NMRAL1: variants seen among roughly 807,000 people sequenced by gnomAD.
NMRAL1 encodes NmrA like redox sensor 1.
A neutral mutation model predicts 27.5 loss-of-function variants in NMRAL1; 32 were observed. The observed-to-expected ratio is 1.16, with a 90% CI of 0.88 to 1.56. The LOEUF is 1.56. Among genes scored for constraint, NMRAL1 ranks in the 40% most tolerant of loss-of-function variants. The pLI is 0.00. For missense variants in NMRAL1, 420 were observed against 392.0 expected, an observed-to-expected ratio of 1.07 and a Z score of -0.60; for synonymous variants, 166 against 166.8, an observed-to-expected ratio of 1.00 and a Z score of 0.04.
intron 4 of NMRAL1, 71 bp from the exon 5 acceptor site, chr16:4,463,921 A>C: frequency 7.4e-7 from 1 of 1,347,716 alleles, no homozygotes; most frequent in Non-Finnish European, 1.0e-6. Context: ...CCCCTCTCCA[A>C]AGGGTCCAAG....
At position 4,461,966 on chromosome 16, in the gene NMRAL1, G is replaced by A; in HGVS notation, c.721-7C>T. On this transcript the variant is annotated splice_polypyrimidine_tract_variant and splice_region_variant and intron_variant, in intron 5 of 5. Transcript: ENST00000283429. ...CGTAGTCCTCAGGAGTCATCTGGAA[G>A]CAGAGGAGCCTGTCGTGGCCGGCGT... 2 of 1,608,182 alleles carry A rather than the reference G, an allele frequency of 1.2e-6. No homozygotes were observed. Among genetic ancestry groups the A allele is most frequent in the Non-Finnish European group, 1.7e-6 (2 of 1,176,782 alleles).
chr16:4,464,704 T>G (rs1027135470), intron 4 of NMRAL1, among the ~76,000 whole-genome samples: 50 of 141,568 alleles, frequency 3.5e-4, no homozygotes, highest in Non-Finnish European at 6.3e-4. Flanking sequence ...AAGCTCCACC[T>G]CCCGGGTTCA....
intron 2 of NMRAL1, 33 bp from the exon 3 acceptor site, chr16:4,469,498 A>C: frequency 5.0e-6 from 8 of 1,605,944 alleles, no homozygotes; most frequent in Non-Finnish European, 6.8e-6. Flanking sequence ...CTCAGGTCAG[A>C]CCTACCTGAA....
intron 2 of NMRAL1, among the ~76,000 whole-genome samples, chr16:4,470,050 T>C (rs971735440): frequency 6.7e-6 from 1 of 148,368 alleles, no homozygotes; most frequent in African/African-American, 2.5e-5. Context: ...TAGTCACAGC[T>C]ACTCAGGAGG....
chr16:4,461,799 C>T lies in NMRAL1; in HGVS notation c.881G>A (p.Gly294Glu). Residue 294 changes from glycine to glutamate, a missense_variant, in exon 6 of 6, where the codon GGG becomes GAG. Transcript: ENST00000283429. ...GGCAGGTCACAGCAGGTTGAAGTCCCCTTTGTGCTGTTCCAGCCACTGGTC... is the reference window on the plus strand; with the variant it reads ...GGCAGGTCACAGCAGGTTGAAGTCCTCTTTGTGCTGTTCCAGCCACTGGTC... ...TLDQWLEQHK[G>E]DFNLL The T allele has an allele frequency of 6.2e-7, 1 of 1,613,524 alleles. No individual in the cohort carries two copies. The highest frequency in any genetic ancestry group is 8.5e-7 in the Non-Finnish European group (1 of 1,179,758).
At chr16:4,474,259 G>A (rs1009659505) in intron 1 of NMRAL1, 93 bp from the exon 2 acceptor site, 3 of 876,890 alleles carry the variant, frequency 3.4e-6, no homozygotes, top group South Asian at 1.6e-5. Context: ...CATCGAGTAT[G>A]TGTCGAAGGG....
In NMRAL1 at chr16:4,461,726, G is replaced by T; in HGVS notation, c.*54C>A. On this transcript the variant is annotated 3_prime_UTR_variant, in exon 6 of 6. Transcript: ENST00000283429. Reference sequence around the variant, plus strand: ...ACAATGGCTTTATTCAGATGTTGGTGCCTCTGCCCCTCTGGTGCCCCCGAT... The same window carrying T: ...ACAATGGCTTTATTCAGATGTTGGTTCCTCTGCCCCTCTGGTGCCCCCGAT... 6.7e-7 allele frequency: 1 copy of T among 1,484,836 alleles called. No individual in the cohort carries two copies. Among genetic ancestry groups the T allele is most frequent in the Non-Finnish European group, 9.1e-7 (1 of 1,094,810 alleles). The allele number at this position is 1,484,836 out of a possible 1,614,324, so 92.0% of individuals were successfully genotyped here.
chr16:4,469,318 A>G lies in NMRAL1; in HGVS notation c.188T>C (p.Val63Ala). The G allele has an allele frequency of 1.2e-6, 2 of 1,614,104 alleles. No homozygotes were observed. Among genetic ancestry groups the G allele is most frequent in the African/African-American group, 2.7e-5 (2 of 75,032 alleles). The change falls in exon 3 of 6, where the codon GTC becomes GCC. Residue 63 changes from valine (V) to alanine (A), a missense_variant. Transcript: ENST00000283429. ...CCCATTCAGGGCCAGCTCCATGATG[A>G]CCTGGTCATCTTGGTCTCCCTGCAC... ...EVVQGDQDDQ[V>A]IMELALNGAY...
intron 1 of NMRAL1, 73 bp from the exon 2 acceptor site, chr16:4,474,239 A>C (rs879715734): frequency 9.7e-5 from 106 of 1,095,190 alleles, no homozygotes; most frequent in Non-Finnish European, 1.4e-4. Flanking sequence ...GGACACCCCC[A>C]TTGTCTATGC....
intron 3 of NMRAL1, among the ~76,000 whole-genome samples, chr16:4,467,553 G>T (rs1196129187): frequency 1.3e-5 from 2 of 151,584 alleles, no homozygotes; most frequent in African/African-American, 4.8e-5. Flanking sequence ...CTGGAGAGAG[G>T]GTGACATTGC....
intron 4 of NMRAL1, 21 bp downstream of exon 4, chr16:4,466,132 T>C (rs1346836041): frequency 1.2e-6 from 2 of 1,613,264 alleles, no homozygotes; most frequent in East Asian, 4.5e-5. Context: ...TGCCTCACCG[T>C]GTGCGAGAAA....
intron 4 of NMRAL1, among the ~76,000 whole-genome samples, chr16:4,464,584 C>T (rs1280354631): frequency 6.6e-6 from 1 of 150,576 alleles, no homozygotes; most frequent in Non-Finnish European, 1.5e-5. Flanking sequence ...GCGCACAGAC[C>T]GGAGCAGGAG....
chr16:4,466,112 G>T lies in NMRAL1; in HGVS notation c.529+41C>A, dbSNP rs1321938325. ...TCTGTTACACCAACGGCTTTACAGGGTGAGAGCTCTGCCTCACCGTGTGCG... is the reference window on the plus strand; with the variant it reads ...TCTGTTACACCAACGGCTTTACAGGTTGAGAGCTCTGCCTCACCGTGTGCG... On this transcript the variant is annotated intron_variant, in intron 4 of 5. Transcript: ENST00000283429. The T allele has an allele frequency of 3.1e-6, 5 of 1,610,626 alleles. No homozygotes were observed. The Admixed American group carries it at 6.7e-5, about 22-fold the overall frequency.
chr16:4,465,612 G>A (rs1200524549), intron 4 of NMRAL1, among the ~76,000 whole-genome samples: 1 of 152,084 alleles, frequency 6.6e-6, no homozygotes, highest in Non-Finnish European at 1.5e-5. Flanking sequence ...TGTCGCCTAG[G>A]CTAGAGTGCA....
Position 4,466,343 on chromosome 16 carries a change from G to A in NMRAL1, c.339C>T (p.Gly113=). 6.2e-7 allele frequency: 1 copy of A among 1,613,808 alleles called. No individual in the cohort carries two copies. Among genetic ancestry groups the A allele is most frequent in the Non-Finnish European group, 8.5e-7 (1 of 1,180,016 alleles). The change falls in exon 4 of 6, where the codon GGC becomes GGT. Residue 113 remains glycine, a synonymous_variant. Coordinates refer to ENST00000283429, the MANE Select transcript of NMRAL1 (RefSeq NM_020677.6). ...RLGLHYVVYS[G]LENIKKLTAG... ...CCGTCAGCTTCTTGATGTTCTCCAG[G>A]CCGCTGTAGACCACATAGTGGAGGC... is the stretch of plus-strand genomic sequence containing the variant.
chr16:4,466,237 T>G lies in NMRAL1; in HGVS notation c.445A>C (p.Ser149Arg). 2 of 1,614,172 alleles carry G rather than the reference T, an allele frequency of 1.2e-6. No individual in the cohort carries two copies. Among genetic ancestry groups the G allele is most frequent in the South Asian group, 1.1e-5 (1 of 91,088 alleles). The change falls in exon 4 of 6, where the codon AGT (serine) becomes CGT (arginine). Residue 149 changes from serine (S) to arginine (R), a missense_variant. Ser to Arg is a moderately radical substitution (Grantham distance 110). Transcript: ENST00000283429. ...YFRDIGVPMT[S>R]VRLPCYFENL... is the part of the protein sequence containing the mutation. ...TCAAAATAGCAGGGCAGCCGCACAC[T>G]GGTCATGGGAACGCCAATGTCCCGG...
intron 3 of NMRAL1, among the ~76,000 whole-genome samples, chr16:4,467,801 G>T (rs965183374): frequency 3.3e-5 from 5 of 151,614 alleles, no homozygotes; most frequent in Non-Finnish European, 4.4e-5. Context: ...TGTATTTTTA[G>T]TAGAGACAGG....
intron 2 of NMRAL1, among the ~76,000 whole-genome samples, chr16:4,471,117 A>G (rs1450050616): frequency 2.6e-5 from 4 of 152,090 alleles, no homozygotes; most frequent in African/African-American, 7.2e-5. Flanking sequence ...AAAACAAAAG[A>G]AAAAACCATA....
rs1182427058 is a variant in NMRAL1, at chr16:4,461,769, A to T, written c.*11T>A. On this transcript the variant is annotated 3_prime_UTR_variant, in exon 6 of 6. Coordinates refer to ENST00000283429, the MANE Select transcript of NMRAL1 (RefSeq NM_020677.6). ...CCCCCGATCCCCACAAGGGGCCGCGAGGCGGGCAGGTCACAGCAGGTTGAA... is the reference window on the plus strand; with the variant it reads ...CCCCCGATCCCCACAAGGGGCCGCGTGGCGGGCAGGTCACAGCAGGTTGAA... 6.2e-7 allele frequency: 1 copy of T among 1,601,754 alleles called. No homozygotes were observed. Among genetic ancestry groups the T allele is most frequent in the Non-Finnish European group, 8.5e-7 (1 of 1,174,170 alleles).
Sources: allele counts gnomAD v4.1 joint callset (sites outside exome capture counted in the v4.1 genomes callset), GRCh38; gene constraint gnomAD v4.1.1; transcripts MANE v1.5; gene names NCBI Gene and HGNC (gene_info 2026-07-23, HGNC 2026-07-21).